MICU1: variants seen among roughly 807,000 people sequenced by gnomAD.
MICU1 encodes the protein calcium uptake protein 1, mitochondrial.
In MICU1, 45 loss-of-function variants were observed where a neutral mutation model predicts 56.8. The ratio of observed to expected loss-of-function variants is 0.79; its 90% CI spans 0.62 to 1.02. MICU1 has a LOEUF of 1.02. MICU1 is among the 50% of genes least tolerant of loss of function. MICU1 has a pLI of 0.00. For missense variants in MICU1, 504 were observed against 587.1 expected, an observed-to-expected ratio of 0.86 and a Z score of 1.46; for synonymous variants, 186 against 195.1, an observed-to-expected ratio of 0.95 and a Z score of 0.39.
At chr10:72,617,273 A>G (rs1842004304) in intron 1 of MICU1, among the ~76,000 whole-genome samples, 1 of 151,294 alleles carries the variant, frequency 6.6e-6, no homozygotes. Context: ...TAATCATGTC[A>G]GTTGTACTCA....
chr10:72,391,244 C>T (rs1273316954), intron 10 of MICU1, among the ~76,000 whole-genome samples: 1 of 152,182 alleles, frequency 6.6e-6, no homozygotes, highest in African/African-American at 2.4e-5. Flanking sequence ...CCAGCCTGGC[C>T]AACATGGCGA....
At chr10:72,539,487 T>TA (rs1185677303) in intron 4 of MICU1, among the ~76,000 whole-genome samples, 1 of 152,122 alleles carries the variant, frequency 6.6e-6, no homozygotes, top group Non-Finnish European at 1.5e-5. Context: ...TGCTCCTGAA[T>TA]AATGGGTCAA....
intron 8 of MICU1, among the ~76,000 whole-genome samples, chr10:72,433,412 AATTTTTGT>A (rs1304645278): frequency 2.0e-5 from 3 of 149,696 alleles, no homozygotes; most frequent in African/African-American, 7.4e-5. Context: ...ATGCCCAGCT[AATTTTTGT>A]ATTTTTGTAT....
At chr10:72,500,332 T>G in intron 6 of MICU1, among the ~76,000 whole-genome samples, 1 of 88,382 alleles carries the variant, frequency 1.1e-5, no homozygotes, top group African/African-American at 4.4e-5. Context: ...TTTTTTTTTT[T>G]TGAGACAGTC....
At chr10:72,463,477 A>T (rs1865699533) in intron 8 of MICU1, among the ~76,000 whole-genome samples, 1 of 152,162 alleles carries the variant, frequency 6.6e-6, no homozygotes. Context: ...TTTTTCCTCC[A>T]TTCTCCAAAA....
chr10:72,618,163 T>C (rs987136680), intron 1 of MICU1, among the ~76,000 whole-genome samples: 10 of 146,064 alleles, frequency 6.8e-5, no homozygotes, highest in African/African-American at 1.8e-4. Flanking sequence ...CCAGACTCTG[T>C]CTCAAAAAAA....
chr10:72,566,841 G>A, intron 1 of MICU1, 47 bp from the exon 2 acceptor site: 2 of 1,129,140 alleles, frequency 1.8e-6, no homozygotes, highest in Non-Finnish European at 1.2e-6. Context: ...TGGTAGTTAT[G>A]ATGATGATGA....
In MICU1 at chr10:72,533,755, A is replaced by G. The variant is rs371540010; in HGVS notation, c.528T>C (p.Phe176=). 1 of 1,602,266 alleles carries G rather than the reference A, an allele frequency of 6.2e-7. No individual in the cohort carries two copies. Among genetic ancestry groups the G allele is most frequent in the Non-Finnish European group, 8.5e-7 (1 of 1,173,034 alleles). The change falls in exon 5 of 12, where the codon TTT becomes TTC. Residue 176 remains phenylalanine (F), a synonymous_variant. Coordinates refer to ENST00000361114, the MANE Select transcript of MICU1 (RefSeq NM_001195518.2). ...GTCATAGTTTGCTCACCTTTCCATC[A>G]AAGCGTTTTATTATATATTGATCCA... The part of the protein sequence containing the change: ...LGLDQYIIKR[F]DGKKISQERE...
At chr10:72,476,514 T>C (rs1242750573) in intron 7 of MICU1, among the ~76,000 whole-genome samples, 1 of 152,092 alleles carries the variant, frequency 6.6e-6, no homozygotes, top group Non-Finnish European at 1.5e-5. Context: ...TAAGCATGAG[T>C]GATCGTGTTC....
chr10:72,495,655 CAAAAA>C (rs758909513), intron 6 of MICU1, among the ~76,000 whole-genome samples: 3 of 85,424 alleles, frequency 3.5e-5, no homozygotes, highest in Admixed American at 1.3e-4. Context: ...ACCTCTGTCT[CAAAAA>C]AAAAAAAAAA....
intron 5 of MICU1, chr10:72,533,083 G>A: frequency 7.8e-7 from 1 of 1,289,716 alleles, no homozygotes; most frequent in Non-Finnish European, 1.0e-6. Context: ...TTTCTGAAGT[G>A]CTTTCTTCCT....
chr10:72,453,279 G>T (rs1414753914), intron 8 of MICU1, among the ~76,000 whole-genome samples: 1 of 152,138 alleles, frequency 6.6e-6, no homozygotes, highest in Non-Finnish European at 1.5e-5. Context: ...TCGGATGATA[G>T]ATATATATTA....
intron 8 of MICU1, among the ~76,000 whole-genome samples, chr10:72,435,556 C>A (rs1362196365): frequency 6.6e-6 from 1 of 152,128 alleles, no homozygotes; most frequent in Non-Finnish European, 1.5e-5. Flanking sequence ...GTGGGGGCAG[C>A]CCACGGAGGA....
chr10:72,619,362 G>A (rs922599039), intron 1 of MICU1, among the ~76,000 whole-genome samples: 2 of 152,166 alleles, frequency 1.3e-5, no homozygotes, highest in African/African-American at 4.8e-5. Flanking sequence ...GGAGAACGGT[G>A]TGAACCCAGG....
intron 1 of MICU1, among the ~76,000 whole-genome samples, chr10:72,616,175 C>T (rs1841974606): frequency 6.6e-6 from 1 of 152,108 alleles, no homozygotes; most frequent in African/African-American, 2.4e-5. Flanking sequence ...TACTTCTTTG[C>T]ATGCCTAGTA....
rs559045449 is a variant in MICU1, at chr10:72,388,643, C to A, written c.1181-12771G>T. 1.1e-4 allele frequency among the ~76,000 whole-genome samples: 17 copies of A among 152,264 alleles called. No individual in the cohort carries two copies. The South Asian group carries it at 3.5e-3, about 32-fold the overall frequency. Reference sequence around the variant, plus strand: ...CTATCTCTAAAACATCATAGTTTATCAAAAGGACTTCATTCTCACCCTAAG... The same window carrying A: ...CTATCTCTAAAACATCATAGTTTATAAAAAGGACTTCATTCTCACCCTAAG... On this transcript the variant is annotated intron_variant, in intron 10 of 11. Coordinates refer to ENST00000361114, the MANE Select transcript of MICU1 (RefSeq NM_001195518.2).
chr10:72,433,888 G>C (rs994860164), intron 8 of MICU1, among the ~76,000 whole-genome samples: 1 of 152,100 alleles, frequency 6.6e-6, no homozygotes, highest in Non-Finnish European at 1.5e-5. Flanking sequence ...TAAATCCTTA[G>C]AACAAAACAG....
chr10:72,400,650 G>A (rs201100560), intron 10 of MICU1, among the ~76,000 whole-genome samples: 29 of 152,100 alleles, frequency 1.9e-4, no homozygotes, highest in African/African-American at 6.0e-4. Context: ...GGAGGCTGGG[G>A]CAGGAGAATC....
At chr10:72,372,747 C>G (rs183614253) in intron 11 of MICU1, among the ~76,000 whole-genome samples, 57 of 151,870 alleles carry the variant, frequency 3.8e-4, no homozygotes, top group Admixed American at 7.2e-4. Flanking sequence ...GAGGCTGAGG[C>G]AGGAGAATCA....
Sources: gnomAD v4.1 joint callset for allele counts (sites outside exome capture counted in the v4.1 genomes callset) on GRCh38, gnomAD v4.1.1 for gene constraint, MANE v1.5 for transcripts, NCBI Gene and HGNC (gene_info 2026-07-23, HGNC 2026-07-21) for gene names.